Variants in ROBO1 observed in about 807,000 individuals in gnomAD.
The protein encoded by ROBO1 is roundabout guidance receptor 1.
ROBO1 carries 149 observed loss-of-function variants against 195.9 expected under a neutral mutation model. The ratio of observed to expected loss-of-function variants is 0.76; its 90% CI spans 0.67 to 0.87. The LOEUF (loss-of-function observed/expected upper bound fraction) is 0.87, where lower values mean the gene tolerates loss of function less well. ROBO1 is among the 40% of genes least tolerant of loss of function. The probability of loss-of-function intolerance (pLI) is 0.00; values close to 1 mark genes in which losing one functional copy is unlikely to be tolerated. For synonymous variants in ROBO1, 816 were observed against 733.2 expected (o/e 1.11, Z -1.82); for missense variants, 1,933 against 2,068.3 (o/e 0.93, Z 1.27).
chr3:78,902,568 G>T (rs897236373), intron 4 of ROBO1, among the ~76,000 whole-genome samples: 2 of 151,998 alleles, frequency 1.3e-5, no homozygotes, highest in African/African-American at 4.8e-5. Context: ...TAAAAAATAG[G>T]CTGGGTGCAG....
chr3:78,952,155 T>C (rs963401405), intron 3 of ROBO1, among the ~76,000 whole-genome samples: 1 of 151,448 alleles, frequency 6.6e-6, no homozygotes, highest in Non-Finnish European at 1.5e-5. Flanking sequence ...TGTATAAAAT[T>C]AGAAAACCTA....
At chr3:79,268,756 A>G (rs1437997368) in intron 2 of ROBO1, among the ~76,000 whole-genome samples, 1 of 151,538 alleles carries the variant, frequency 6.6e-6, no homozygotes, top group African/African-American at 2.4e-5. Flanking sequence ...GACTGACATA[A>G]CCTGTGCTAG....
intron 3 of ROBO1, among the ~76,000 whole-genome samples, chr3:79,104,781 C>T (rs1168455367): frequency 2.0e-5 from 3 of 151,792 alleles, no homozygotes; most frequent in African/African-American, 4.8e-5. Flanking sequence ...ACTGTCCCCT[C>T]GCCCTATCTT....
At position 78,647,611 on chromosome 3, in the gene ROBO1, G is replaced by GT; in HGVS notation, c.2839+17dup. 1 of 1,607,998 alleles carries GT rather than the reference G, an allele frequency of 6.2e-7. No homozygotes were observed. Among genetic ancestry groups the GT allele is most frequent in the African/African-American group, 1.3e-5 (1 of 74,814 alleles). On this transcript the variant is annotated intron_variant, in intron 20 of 30. Coordinates refer to ENST00000464233, the MANE Select transcript of ROBO1 (RefSeq NM_002941.4). Reference sequence around the variant, plus strand: ...CAAACTAACAATGGAAAGGAGGAGGGTAAGTGCAAATATATACCTGTTGGT... The same window carrying GT: ...CAAACTAACAATGGAAAGGAGGAGGGTTAAGTGCAAATATATACCTGTTGGT...
At chr3:79,228,335 A>T (rs1393244799) in intron 2 of ROBO1, among the ~76,000 whole-genome samples, 3 of 152,152 alleles carry the variant, frequency 2.0e-5, no homozygotes, top group Non-Finnish European at 4.4e-5. Context: ...ATTGTGGGAA[A>T]AGATTAAAGG....
chr3:78,819,441 TC>T (rs1161144879), intron 4 of ROBO1, among the ~76,000 whole-genome samples: 1 of 122,458 alleles, frequency 8.2e-6, no homozygotes, highest in East Asian at 2.7e-4. Context: ...GTGTCCATAT[TC>T]TACAAAAAAA....
intron 3 of ROBO1, among the ~76,000 whole-genome samples, chr3:78,998,948 C>T (rs562775158): frequency 1.3e-5 from 2 of 151,952 alleles, no homozygotes; most frequent in African/African-American, 4.8e-5. Context: ...ATACAAGTGG[C>T]CAGGAAAAAT....
At chr3:79,268,595 A>T (rs1433677867) in intron 2 of ROBO1, among the ~76,000 whole-genome samples, 1 of 151,640 alleles carries the variant, frequency 6.6e-6, no homozygotes, top group African/African-American at 2.4e-5. Context: ...TTCCAGGTCA[A>T]CACACGCTCT....
intron 2 of ROBO1, among the ~76,000 whole-genome samples, chr3:79,268,974 T>A (rs1354969379): frequency 1.3e-5 from 2 of 151,884 alleles, no homozygotes; most frequent in East Asian, 3.9e-4. Context: ...CATTATAGAA[T>A]GAATCACAAC....
chr3:79,199,718 C>G (rs970271931), intron 2 of ROBO1, among the ~76,000 whole-genome samples: 1 of 151,718 alleles, frequency 6.6e-6, no homozygotes, highest in Non-Finnish European at 1.5e-5. Context: ...ATGAGATATA[C>G]ATTTTTAGGA....
Position 78,635,664 on chromosome 3 carries a change from C to A in ROBO1, c.3373+109G>T, listed in dbSNP as rs529516778. 10 of 960,702 alleles carry A rather than the reference C, an allele frequency of 1.0e-5. No homozygotes were observed. In the Admixed American group the frequency reaches 2.3e-4, roughly 22 times the overall value. 59.5% of individuals were successfully genotyped at this position (960,702 alleles called of 1,614,324 possible). A position where few individuals can be genotyped will look rare whatever the true frequency, so the allele number is the denominator to read the frequency against. Reference sequence around the variant, plus strand: ...AACCAAAGAAATAAGAAAATCTCAGCGACAGAAGAAAAGATTTTACTTGCT... The same window carrying A: ...AACCAAAGAAATAAGAAAATCTCAGAGACAGAAGAAAAGATTTTACTTGCT... On this transcript the variant is annotated intron_variant, in intron 23 of 30. Coordinates refer to ENST00000464233, the MANE Select transcript of ROBO1 (RefSeq NM_002941.4).
At chr3:79,444,027 T>C (rs2039150558) in intron 2 of ROBO1, among the ~76,000 whole-genome samples, 1 of 152,098 alleles carries the variant, frequency 6.6e-6, no homozygotes, top group Admixed American at 6.5e-5. Flanking sequence ...AAAAATTTAT[T>C]TGACAGATTA....
chr3:79,290,312 G>A (rs151208291), intron 2 of ROBO1, among the ~76,000 whole-genome samples: 1 of 152,010 alleles, frequency 6.6e-6, no homozygotes, highest in African/African-American at 2.4e-5. Flanking sequence ...GATTACAGGA[G>A]TGAGCTACTG....
intron 5 of ROBO1, 65 bp from the exon 6 acceptor site, chr3:78,717,948 T>A: frequency 6.6e-7 from 1 of 1,504,232 alleles, no homozygotes; most frequent in Non-Finnish European, 9.2e-7. Context: ...ATGACAGATG[T>A]CTTCATAAGT....
intron 3 of ROBO1, among the ~76,000 whole-genome samples, chr3:78,983,007 C>A (rs112846061): frequency 0.033 from 5,028 of 151,972 alleles, 285 homozygotes; most frequent in African/African-American, 0.11. Context: ...ACCTGGGCTC[C>A]AGGGATCCTC....
intron 2 of ROBO1, among the ~76,000 whole-genome samples, chr3:79,519,521 C>T (rs559557538): frequency 8.9e-5 from 13 of 146,332 alleles, no homozygotes; most frequent in Non-Finnish European, 1.5e-5. Context: ...CTCAGCTATT[C>T]GAGAGGCTGA....
chr3:79,408,108 C>T (rs1193160372), intron 2 of ROBO1, among the ~76,000 whole-genome samples: 1 of 151,890 alleles, frequency 6.6e-6, no homozygotes, highest in Admixed American at 6.6e-5. Context: ...CCCAGCTACT[C>T]GGGAGGCTGA....
chr3:78,772,152 T>C (rs1431181197), intron 4 of ROBO1, among the ~76,000 whole-genome samples: 1 of 152,044 alleles, frequency 6.6e-6, no homozygotes, highest in Non-Finnish European at 1.5e-5. Context: ...GCTTAAAAAA[T>C]GTCATTTATG....
At chr3:78,964,660 A>G (rs2041580672) in intron 3 of ROBO1, among the ~76,000 whole-genome samples, 1 of 152,146 alleles carries the variant, frequency 6.6e-6, no homozygotes, top group African/African-American at 2.4e-5. Flanking sequence ...ACCTGAGAAG[A>G]TAACCATCCC....
Sources: gnomAD v4.1 joint callset for allele counts (sites outside exome capture counted in the v4.1 genomes callset) on GRCh38, gnomAD v4.1.1 for gene constraint, MANE v1.5 for transcripts, NCBI Gene and HGNC (gene_info 2026-07-23, HGNC 2026-07-21) for gene names.